YEATS4: variants seen among roughly 807,000 people sequenced by gnomAD.
YEATS4 encodes YEATS domain containing 4.
Under a neutral mutation model 30.1 loss-of-function variants are expected in YEATS4, and 17 were observed. The observed-to-expected ratio is 0.56, with a 90% CI of 0.39 to 0.85. YEATS4 has a LOEUF of 0.85. Ranked by LOEUF, YEATS4 falls within the 40% of genes least tolerant of loss-of-function variation. YEATS4 has a pLI of 0.00. For missense variants in YEATS4, 142 were observed against 268.3 expected (o/e 0.53, Z 3.29); for synonymous variants, 85 against 87.5 (o/e 0.97, Z 0.16).
At chr12:69,386,482 T>G (rs1951777472) in intron 6 of YEATS4, among the ~76,000 whole-genome samples, 1 of 152,194 alleles carries the variant, frequency 6.6e-6, no homozygotes, top group South Asian at 2.1e-4. Flanking sequence ...GAAGCCCTCC[T>G]TCATAAAACT....
chr12:69,364,205 C>T (rs891103298), intron 2 of YEATS4: 5 of 448,210 alleles, frequency 1.1e-5, no homozygotes, highest in Non-Finnish European at 2.2e-5. Flanking sequence ...GTAATCTCAG[C>T]ACTATGGGAG....
chr12:69,365,387 G>A, intron 2 of YEATS4, among the ~76,000 whole-genome samples: 1 of 151,136 alleles, frequency 6.6e-6, no homozygotes, highest in South Asian at 2.1e-4. Flanking sequence ...GGTCAGGGAA[G>A]TTGCAGTGAG....
chr12:69,361,265 G>GT (rs753222987), intron 1 of YEATS4: 1 of 149,060 alleles, frequency 6.7e-6, no homozygotes, highest in South Asian at 2.1e-4. Flanking sequence ...GTGTGTGTGT[G>GT]TGTGTTTTGT....
At chr12:69,373,171 C>T (rs1875710934) in intron 6 of YEATS4, among the ~76,000 whole-genome samples, 1 of 152,182 alleles carries the variant, frequency 6.6e-6, no homozygotes, top group Admixed American at 6.5e-5. Flanking sequence ...AGTGGGATTG[C>T]TGGATCATAT....
chr12:69,399,442 A>T, the YEATS4 span, among the ~76,000 whole-genome samples: 2 of 152,354 alleles, frequency 1.3e-5, no homozygotes, highest in South Asian at 4.1e-4. Context: ...CAAAATGATG[A>T]TAACACTTCA....
At chr12:69,401,205 A>AG in the YEATS4 span, 1 of 152,088 alleles carries the variant, frequency 6.6e-6, no homozygotes, top group Non-Finnish European at 1.5e-5. Flanking sequence ...GTCTCTTAAA[A>AG]AAAAAAAAAA....
chr12:69,360,085 G>A, intron 1 of YEATS4, 62 bp downstream of exon 1: 4 of 1,573,116 alleles, frequency 2.5e-6, no homozygotes, highest in Non-Finnish European at 3.5e-6. Flanking sequence ...TCCCTGCGCG[G>A]CGCGGGGAGG....
the YEATS4 span, among the ~76,000 whole-genome samples, chr12:69,396,374 A>C: frequency 6.6e-6 from 1 of 152,204 alleles, no homozygotes; most frequent in African/African-American, 2.4e-5. Context: ...ACAGAGATTC[A>C]ATTTTAATTC....
At chr12:69,362,013 G>GTT (rs533225716) in intron 1 of YEATS4, among the ~76,000 whole-genome samples, 2,497 of 68,788 alleles carry the variant, frequency 0.036, 152 homozygotes, top group African/African-American at 0.11. Flanking sequence ...GTGTTTGGTT[G>GTT]TTTTTTTTTT....
chr12:69,375,312 G>C (rs1435127481), intron 6 of YEATS4, among the ~76,000 whole-genome samples: 1 of 150,060 alleles, frequency 6.7e-6, no homozygotes, highest in Non-Finnish European at 1.5e-5. Flanking sequence ...ATGGGGCGGC[G>C]GGGCAGAGGC....
chr12:69,423,006 A>G, the YEATS4 span: 110,306 of 152,126 alleles, frequency 0.73, 40,392 homozygotes, highest in African/African-American at 0.83. Flanking sequence ...GGTGTTTTCA[A>G]TCTTAAGGAT....
intron 6 of YEATS4, among the ~76,000 whole-genome samples, chr12:69,386,548 TCATAA>T (rs1409665467): frequency 6.6e-6 from 1 of 152,224 alleles, no homozygotes; most frequent in Non-Finnish European, 1.5e-5. Flanking sequence ...TATGATTACC[TCATAA>T]CATTAGTGCA....
At chr12:69,417,282 C>G in the YEATS4 span, among the ~76,000 whole-genome samples, 2 of 149,608 alleles carry the variant, frequency 1.3e-5, no homozygotes, top group Non-Finnish European at 3.0e-5. Flanking sequence ...CTCAGCCTCC[C>G]ACGTTGCTTG....
At chr12:69,374,087 A>G (rs1428854187) in intron 6 of YEATS4, among the ~76,000 whole-genome samples, 1 of 150,220 alleles carries the variant, frequency 6.7e-6, no homozygotes, top group Non-Finnish European at 1.5e-5. Flanking sequence ...TTTGCGGAGG[A>G]TAACTTAGGC....
intron 6 of YEATS4, among the ~76,000 whole-genome samples, chr12:69,372,222 G>T (rs542963920): frequency 2.4e-4 from 36 of 152,148 alleles, no homozygotes; most frequent in African/African-American, 8.2e-4. Context: ...TATATTGTAG[G>T]TATATATATT....
chr12:69,374,612 C>A (rs558533753), intron 6 of YEATS4, among the ~76,000 whole-genome samples: 1 of 151,894 alleles, frequency 6.6e-6, no homozygotes, highest in Non-Finnish European at 1.5e-5. Context: ...ATGCTGCCTT[C>A]AAGCATCTGT....
chr12:69,378,636 C>G (rs954664825), intron 6 of YEATS4, among the ~76,000 whole-genome samples: 6 of 152,156 alleles, frequency 3.9e-5, no homozygotes, highest in African/African-American at 1.4e-4. Context: ...CATAAACAAG[C>G]AAGCAAAAAG....
At chr12:69,387,014 A>G (rs1868260507) in intron 6 of YEATS4, among the ~76,000 whole-genome samples, 1 of 152,092 alleles carries the variant, frequency 6.6e-6, no homozygotes, top group Admixed American at 6.6e-5. Context: ...CCCCCCAAAA[A>G]AATCTTATTC....
At chr12:69,388,048 A>T (rs56114345) in intron 6 of YEATS4, among the ~76,000 whole-genome samples, 2 of 72,180 alleles carry the variant, frequency 2.8e-5, no homozygotes, top group African/African-American at 9.9e-5. Context: ...GAATTTTTTT[A>T]TTTTTTTTAT....
Sources: gnomAD v4.1 joint callset for allele counts (sites outside exome capture counted in the v4.1 genomes callset) on GRCh38, gnomAD v4.1.1 for gene constraint, MANE v1.5 for transcripts, NCBI Gene and HGNC (gene_info 2026-07-23, HGNC 2026-07-21) for gene names.